RPN1: variants seen among roughly 807,000 people sequenced by gnomAD.
The protein encoded by RPN1 is dolichyl-diphosphooligosaccharide--protein glycosyltransferase subunit 1.
Under a neutral mutation model 55.5 loss-of-function variants are expected in RPN1, and 12 were observed. That is an observed-to-expected ratio of 0.22 (90% CI 0.14 to 0.35). RPN1 has a LOEUF of 0.35. Ranked by LOEUF, RPN1 falls within the 10% of genes least tolerant of loss-of-function variation. The pLI, the probability that RPN1 is intolerant of heterozygous loss-of-function variation, is 1.00. For synonymous variants in RPN1, 317 were observed against 305.9 expected (o/e 1.04, Z -0.38); for missense variants, 679 against 761.3 (o/e 0.89, Z 1.27).
rs141345041 is a variant in RPN1 at position 128,638,010 on chromosome 3, G to A, written c.422C>T (p.Pro141Leu). The change falls in exon 3 of 10, where the codon CCG (proline) becomes CTG (leucine). Residue 141 changes from proline (P) to leucine (L), a missense_variant. Around this residue, in one of 3 missense-constraint regions of RPN1, gnomAD observed 352 missense variants for 352.8 expected, o/e 1.00. Coordinates refer to ENST00000296255, the MANE Select transcript of RPN1 (RefSeq NM_002950.4). ...TGACTGGGTGATCTGGGTTGGATAC[G>A]GATGAAGCACATGGGTGTAGACTGT... The part of the protein sequence containing the change: ...VETVYTHVLH[P>L]YPTQITQSEK... The A allele has an allele frequency of 5.6e-6, 9 of 1,613,980 alleles. No homozygotes were observed. The highest frequency in any genetic ancestry group is 4.4e-5 in the South Asian group (4 of 91,084).
In RPN1 at chr3:128,620,591, C is replaced by T. The variant is rs1251605440; in HGVS notation, c.1644G>A (p.Val548=). 6.2e-7 allele frequency: 1 copy of T among 1,612,824 alleles called. No homozygotes were observed. The highest frequency in any genetic ancestry group is 1.3e-5 in the African/African-American group (1 of 74,918). Residue 548 remains valine (V), a splice_region_variant and synonymous_variant, in exon 10 of 10, where the codon GTG becomes GTA. Coordinates refer to ENST00000296255, the MANE Select transcript of RPN1 (RefSeq NM_002950.4). ...KTEGSDLCDR[V]SEMQKLDAQV... is the part of the protein sequence containing the mutation. ...GTGCATCCAGCTTCTGCATTTCGCT[C>T]ACCTGGCCGAGGCAAGAGCAGGGCA...
intron 4 of RPN1, among the ~76,000 whole-genome samples, chr3:128,631,186 C>G (rs1237375111): frequency 1.4e-5 from 2 of 147,120 alleles, no homozygotes; most frequent in Non-Finnish European, 3.0e-5. Context: ...TTTGAGAGGC[C>G]AAGGCGGCCG....
chr3:128,637,938 G>C lies in RPN1; in HGVS notation c.494C>G (p.Pro165Arg). The change falls in exon 3 of 10, where the codon CCC becomes CGC. Residue 165 changes from proline (P) to arginine (R), a missense_variant. Physicochemically the swap from Pro to Arg is moderately radical, Grantham distance 103. Around this residue, in one of 3 missense-constraint regions of RPN1, gnomAD observed 352 missense variants for 352.8 expected, o/e 1.00. Transcript: ENST00000296255. Reference protein sequence around the residue: ...VFEGNHYFYSPYPTKTQTMRV... With the variant: ...VFEGNHYFYSRYPTKTQTMRV... ...CATGGTTTGTGTCTTCGTTGGATAG[G>C]GAGAGTAGAAATAATGGTTCCCCTC... The C allele has an allele frequency of 2.5e-6, 4 of 1,614,218 alleles. No homozygotes were observed. Among genetic ancestry groups the C allele is most frequent in the Non-Finnish European group, 3.4e-6 (4 of 1,180,046 alleles).
At chr3:128,643,535 A>G (rs2069743895) in intron 2 of RPN1, among the ~76,000 whole-genome samples, 1 of 151,878 alleles carries the variant, frequency 6.6e-6, no homozygotes, top group Non-Finnish European at 1.5e-5. Context: ...GGTGGCTCAC[A>G]TTTGTAATCC....
chr3:128,644,856 C>G, intron 2 of RPN1, 63 bp downstream of exon 2: 1 of 926,594 alleles, frequency 1.1e-6, no homozygotes, highest in Non-Finnish European at 1.8e-6. Context: ...TTTATGATCC[C>G]ATATGATCCC....
chr3:128,645,945 G>GT (rs1398747189), intron 1 of RPN1, among the ~76,000 whole-genome samples: 1 of 152,076 alleles, frequency 6.6e-6, no homozygotes, highest in Non-Finnish European at 1.5e-5. Flanking sequence ...ATTTAGTGAT[G>GT]TAATAGAAAA....
Position 128,621,542 on chromosome 3 carries a change from A to T in RPN1, c.1641+622T>A, listed in dbSNP as rs545160016. ...GTAGGTGCTATGAGGAAATTCACAC[A>T]GAGTGAGGAGAGGGAATGCCAGGGA... On this transcript the variant is annotated intron_variant, in intron 9 of 9. Coordinates refer to ENST00000296255, the MANE Select transcript of RPN1 (RefSeq NM_002950.4). Among the ~76,000 whole-genome samples, 19 of 152,296 alleles carry T rather than the reference A, an allele frequency of 1.2e-4. No individual in the cohort carries two copies. In the South Asian group the frequency reaches 2.9e-3, roughly 23 times the overall value.
intron 8 of RPN1, 80 bp from the exon 9 acceptor site, chr3:128,622,489 C>T: frequency 6.5e-7 from 1 of 1,546,036 alleles, no homozygotes; most frequent in Non-Finnish European, 8.8e-7. Flanking sequence ...GAACATCTGC[C>T]ACCAGCAGCC....
intron 3 of RPN1, among the ~76,000 whole-genome samples, chr3:128,632,423 A>T (rs112197332): frequency 2.0e-5 from 3 of 152,206 alleles, no homozygotes; most frequent in African/African-American, 7.2e-5. Context: ...CAGTTTTGTA[A>T]GAGTTCTAAA....
At chr3:128,641,005 C>A (rs1028461371) in intron 2 of RPN1, 2 of 152,130 alleles carry the variant, frequency 1.3e-5, no homozygotes, top group Admixed American at 1.3e-4. Flanking sequence ...TCAAGTCTTA[C>A]CAAAATGTGG....
Position 128,650,607 on chromosome 3 carries a change from C to G in RPN1, c.194G>C (p.Arg65Pro). The change falls in exon 1 of 10, where the codon CGA becomes CCA. Residue 65 changes from arginine to proline, a missense_variant. Arg to Pro is a moderately radical substitution (Grantham distance 103, BLOSUM62 -2). Transcript: ENST00000296255. ...CAAAGCCAGCAGGAAAGAGGTAGCT[C>G]GGGACGTGGAGCCGCCGCCCAGGTG... ...LAHLGGGSTSRATSFLLALEP... is the reference protein window; with the variant it reads ...LAHLGGGSTSPATSFLLALEP... 1 of 1,550,494 alleles carries G rather than the reference C, an allele frequency of 6.4e-7. No homozygotes were observed. The highest frequency in any genetic ancestry group is 1.2e-5 in the South Asian group (1 of 84,066).
At chr3:128,631,113 CA>C (rs748306017) in intron 4 of RPN1, among the ~76,000 whole-genome samples, 340 of 97,510 alleles carry the variant, frequency 3.5e-3, no homozygotes, top group Middle Eastern at 0.018. Flanking sequence ...ACTCTGTCTC[CA>C]AAAAAAAAAA....
At chr3:128,622,118 C>A in intron 9 of RPN1, 46 bp downstream of exon 9, 1 of 1,600,890 alleles carries the variant, frequency 6.2e-7, no homozygotes, top group Non-Finnish European at 8.5e-7. Flanking sequence ...AGCAGTGAGG[C>A]ATGGAGGGCC....
At chr3:128,625,042 C>G (rs766049735) in intron 8 of RPN1, among the ~76,000 whole-genome samples, 1 of 152,114 alleles carries the variant, frequency 6.6e-6, no homozygotes, top group African/African-American at 2.4e-5. Context: ...AAGAGGATGA[C>G]CTGAGGATAA....
At chr3:128,638,271 G>A (rs1003761869) in intron 2 of RPN1, among the ~76,000 whole-genome samples, 166 bp from the exon 3 acceptor site, 3 of 152,142 alleles carry the variant, frequency 2.0e-5, no homozygotes, top group Non-Finnish European at 4.4e-5. Flanking sequence ...ACTCAGGCTG[G>A]AGTGCAATGG....
chr3:128,623,543 A>G (rs1489641261), intron 8 of RPN1, among the ~76,000 whole-genome samples: 1 of 99,616 alleles, frequency 1.0e-5, no homozygotes, highest in Non-Finnish European at 2.2e-5. Flanking sequence ...GTCTCGAGAA[A>G]AAAAACATTT....
intron 6 of RPN1, 77 bp from the exon 7 acceptor site, chr3:128,626,089 A>G: frequency 7.0e-7 from 1 of 1,424,656 alleles, no homozygotes; most frequent in Non-Finnish European, 9.5e-7. Flanking sequence ...GAGAATTCCA[A>G]GGCTAAGGAG....
At chr3:128,626,146 C>G in intron 6 of RPN1, 134 bp from the exon 7 acceptor site, 1 of 873,032 alleles carries the variant, frequency 1.1e-6, no homozygotes, top group Admixed American at 2.9e-5. Flanking sequence ...GCTCCCTTCT[C>G]AGCTATGGAG....
chr3:128,633,991 CAAAT>C (rs1559755270), intron 3 of RPN1, among the ~76,000 whole-genome samples: 4 of 150,388 alleles, frequency 2.7e-5, no homozygotes, highest in East Asian at 2.0e-4. Flanking sequence ...TCAAAAAAAA[CAAAT>C]AAACAAACAA....
Sources: gnomAD v4.1 joint callset for allele counts (sites outside exome capture counted in the v4.1 genomes callset) on GRCh38, gnomAD v4.1.1 for gene constraint, gnomAD v4.1.1 regional missense constraint, MANE v1.5 for transcripts, NCBI Gene and HGNC (gene_info 2026-07-23, HGNC 2026-07-21) for gene names.